USP50: variants seen among roughly 807,000 people sequenced by gnomAD.
The protein encoded by USP50 is ubiquitin carboxyl-terminal hydrolase 50.
A neutral mutation model predicts 39.2 loss-of-function variants in USP50; 37 were observed. The observed-to-expected ratio is 0.94, with a 90% CI of 0.73 to 1.24. USP50 has a LOEUF of 1.24. USP50 is among the 50% of genes most tolerant of loss of function. USP50 has a pLI of 0.00. For synonymous variants in USP50, 139 were observed against 144.5 expected, an observed-to-expected ratio of 0.96 and a Z score of 0.27; for missense variants, 374 against 398.2, an observed-to-expected ratio of 0.94 and a Z score of 0.52.
At chr15:50,505,972 T>C (rs1411600322) in intron 6 of USP50, 2 of 152,204 alleles carry the variant, frequency 1.3e-5, no homozygotes, top group Non-Finnish European at 2.9e-5. Context: ...AAACAAAAGA[T>C]GCTGAAAACA....
intron 5 of USP50, among the ~76,000 whole-genome samples, chr15:50,536,545 A>G (rs190948071): frequency 4.6e-5 from 7 of 152,178 alleles, no homozygotes; most frequent in Admixed American, 3.9e-4. Flanking sequence ...GGAGGCTGAG[A>G]CTGGAGAATC....
chr15:50,496,476 G>A (rs1043776836), downstream of USP50, among the ~76,000 whole-genome samples: 120 of 86,452 alleles, frequency 1.4e-3, no homozygotes, highest in African/African-American at 6.2e-3. Flanking sequence ...ACAAGACTCC[G>A]TCTTAAAAAA....
At chr15:50,493,084 T>C (rs1239224334), downstream of USP50, 1 of 748,702 alleles carries the variant, frequency 1.3e-6, no homozygotes, top group South Asian at 1.5e-5. Flanking sequence ...GGCCATCGTC[T>C]AGGTGCCGGC....
chr15:50,538,704 C>A lies in USP50; in HGVS notation c.803+5G>T. On this transcript the variant is annotated splice_donor_5th_base_variant and intron_variant, in intron 5 of 6. Transcript: ENST00000532404. Reference sequence around the variant, plus strand: ...ATGTGCCCACAAAAATGTAAAAATCCATACCTTTTTAGGTGGAAAATAATT... The same window carrying A: ...ATGTGCCCACAAAAATGTAAAAATCAATACCTTTTTAGGTGGAAAATAATT... 1 of 1,564,406 alleles carries A rather than the reference C, an allele frequency of 6.4e-7. No homozygotes were observed. The highest frequency in any genetic ancestry group is 1.4e-5 in the African/African-American group (1 of 73,486).
intron 2 of USP50, among the ~76,000 whole-genome samples, chr15:50,544,294 A>C (rs2053053707): frequency 6.6e-6 from 1 of 152,018 alleles, no homozygotes; most frequent in African/African-American, 2.4e-5. Flanking sequence ...CCCGAGGAAC[A>C]GAGGTTGCAG....
At chr15:50,513,899 A>G (rs981228011) in intron 6 of USP50, 1 of 152,222 alleles carries the variant, frequency 6.6e-6, no homozygotes, top group Non-Finnish European at 1.5e-5. Flanking sequence ...TTTCTGAACC[A>G]GGAGTTTCAC....
intron 1 of USP50, chr15:50,494,229 A>G: frequency 6.2e-7 from 1 of 1,613,282 alleles, no homozygotes; most frequent in Non-Finnish European, 8.5e-7. Flanking sequence ...AGCAAGATTC[A>G]CAAGAATTGC....
At chr15:50,501,979 C>A (rs561717414) in intron 6 of USP50, 3 of 152,292 alleles carry the variant, frequency 2.0e-5, no homozygotes, top group East Asian at 3.9e-4. Context: ...TTTAATGATA[C>A]AACAGTAAAA....
chr15:50,528,698 C>T (rs1023917817), intron 6 of USP50, among the ~76,000 whole-genome samples: 1 of 152,028 alleles, frequency 6.6e-6, no homozygotes, highest in African/African-American at 2.4e-5. Flanking sequence ...TGTTGAGACT[C>T]GAAGTGAAAA....
intron 6 of USP50, among the ~76,000 whole-genome samples, chr15:50,527,373 T>G (rs953421192): frequency 4.0e-5 from 6 of 150,718 alleles, no homozygotes. Flanking sequence ...CCTGGCTAAT[T>G]TTTTTTTGTA....
intron 6 of USP50, chr15:50,508,053 G>A (rs1277467954): frequency 8.2e-6 from 1 of 122,566 alleles, no homozygotes; most frequent in Non-Finnish European, 1.6e-5. Context: ...CCGGGCGACA[G>A]TGCAAGACTC....
Position 50,546,646 on chromosome 15 carries a change from C to A in USP50, c.-121G>T. 1 of 1,055,610 alleles carries A rather than the reference C, an allele frequency of 9.5e-7. No individual in the cohort carries two copies. The highest frequency in any genetic ancestry group is 1.4e-6 in the Non-Finnish European group (1 of 698,206). 65.4% of individuals were successfully genotyped at this position (1,055,610 alleles called of 1,614,324 possible). A position where few individuals can be genotyped will look rare whatever the true frequency, so the allele number is the denominator to read the frequency against. ...TTTTAAACAATTGATATGCTCCTCT[C>A]TCTTCCAGTAGCTGCGAACTGATTT... On this transcript the variant is annotated 5_prime_UTR_variant, in exon 1 of 7. Coordinates refer to ENST00000532404, the MANE Select transcript of USP50 (RefSeq NM_203494.5).
intron 2 of USP50, among the ~76,000 whole-genome samples, chr15:50,544,349 G>T (rs1418084085): frequency 6.6e-6 from 1 of 151,340 alleles, no homozygotes; most frequent in Admixed American, 6.6e-5. Flanking sequence ...GCAACAGAAC[G>T]AGACCCTGGC....
intron 1 of USP50, among the ~76,000 whole-genome samples, chr15:50,545,759 A>C (rs927459251): frequency 6.6e-6 from 1 of 151,966 alleles, no homozygotes; most frequent in Admixed American, 6.6e-5. Context: ...TATAGATCTT[A>C]GTTTAAATCC....
In USP50 at chr15:50,500,782, A is replaced by G. The variant is rs1156793198; in HGVS notation, c.992T>C (p.Val331Ala). 1 of 1,589,660 alleles carries G rather than the reference A, an allele frequency of 6.3e-7. No homozygotes were observed. The highest frequency in any genetic ancestry group is 2.3e-5 in the East Asian group (1 of 44,192). The stretch of plus-strand genomic sequence containing the variant: ...ATCAAAGCTATATCAGGCCTGGGTG[A>G]CTGAATTCTTGCAGAAAGCAGTGTA... ...GHYTAFCKNS[V>A]TQA Residue 331 changes from valine (V) to alanine (A), a missense_variant, in exon 7 of 7, where the codon GTC (valine) becomes GCC (alanine). Coordinates refer to ENST00000532404, the MANE Select transcript of USP50 (RefSeq NM_203494.5).
intron 4 of USP50, 28 bp from the exon 5 acceptor site, chr15:50,538,879 C>A: frequency 1.3e-6 from 2 of 1,580,334 alleles, no homozygotes; most frequent in Non-Finnish European, 1.7e-6. Context: ...GATTTGGTGA[C>A]CAAATTGGAT....
intron 6 of USP50, among the ~76,000 whole-genome samples, chr15:50,522,854 T>A (rs1596012527): frequency 6.6e-6 from 1 of 152,072 alleles, no homozygotes; most frequent in East Asian, 1.9e-4. Context: ...CACCATGTTG[T>A]CCAGGCTGGT....
At chr15:50,524,734 TGTG>T (rs1327719809) in intron 6 of USP50, among the ~76,000 whole-genome samples, 1 of 152,200 alleles carries the variant, frequency 6.6e-6, no homozygotes, top group Non-Finnish European at 1.5e-5. Context: ...CTAAGCCAGG[TGTG>T]GTAACACATG....
intron 6 of USP50, among the ~76,000 whole-genome samples, chr15:50,525,562 A>ATG (rs1566907546): frequency 1.1e-4 from 14 of 131,406 alleles, no homozygotes; most frequent in East Asian, 6.0e-4. Flanking sequence ...ATGTGTATAT[A>ATG]TGTATATATG....
Sources: gnomAD v4.1 joint callset for allele counts (sites outside exome capture counted in the v4.1 genomes callset) on GRCh38, gnomAD v4.1.1 for gene constraint, MANE v1.5 for transcripts, NCBI Gene and HGNC (gene_info 2026-07-23, HGNC 2026-07-21) for gene names.